LYPD6B: variants seen among roughly 807,000 people sequenced by gnomAD.
LYPD6B encodes LY6/PLAUR domain containing 6B.
In LYPD6B, 17 loss-of-function variants were observed where a neutral mutation model predicts 22.8. That is an observed-to-expected ratio of 0.75 (90% CI 0.51 to 1.12). LYPD6B has a LOEUF of 1.12. Among genes scored for constraint, LYPD6B ranks in the 50% most tolerant of loss-of-function variants. LYPD6B has a pLI of 0.00. For missense variants in LYPD6B, 221 were observed against 258.3 expected (o/e 0.86, Z 0.99); for synonymous variants, 106 against 91.6 (o/e 1.16, Z -0.90).
chr2:149,212,303 A>G (rs1365173125), intron 5 of LYPD6B, among the ~76,000 whole-genome samples: 1 of 137,478 alleles, frequency 7.3e-6, no homozygotes, highest in Non-Finnish European at 1.5e-5. Context: ...AATGGTGTGA[A>G]CCCGGGAGGC....
chr2:149,212,960 C>T (rs1198449031), intron 5 of LYPD6B, 32 bp from the exon 6 acceptor site: 1 of 1,604,056 alleles, frequency 6.2e-7, no homozygotes, highest in South Asian at 1.1e-5. Context: ...TACCTTGTTT[C>T]TTGGTTTTGT....
intron 1 of LYPD6B, among the ~76,000 whole-genome samples, chr2:149,116,741 G>A (rs1291404996): frequency 2.6e-5 from 4 of 152,202 alleles, no homozygotes; most frequent in Admixed American, 2.6e-4. Flanking sequence ...GCAAACATTT[G>A]TTGACAATAG....
chr2:149,058,660 C>T (rs757577770), intron 1 of LYPD6B, among the ~76,000 whole-genome samples: 5 of 152,128 alleles, frequency 3.3e-5, no homozygotes, highest in Admixed American at 1.3e-4. Context: ...GCTCTTGTCC[C>T]GCAGGCTAGA....
chr2:149,083,813 A>G (rs561590476), intron 1 of LYPD6B, among the ~76,000 whole-genome samples: 4 of 152,262 alleles, frequency 2.6e-5, no homozygotes, highest in Non-Finnish European at 5.9e-5. Context: ...GCAGTGGCTC[A>G]TGTCTGTAAT....
intron 3 of LYPD6B, among the ~76,000 whole-genome samples, chr2:149,185,504 G>A (rs1692035259): frequency 6.6e-6 from 1 of 152,138 alleles, no homozygotes. Context: ...AAGGTTTGGA[G>A]AAAAAGGAAA....
At chr2:149,187,746 A>C in intron 3 of LYPD6B, 1 of 420,808 alleles carries the variant, frequency 2.4e-6, no homozygotes, top group East Asian at 3.6e-5. Flanking sequence ...TGAAAAAAAG[A>C]AGTGCAAAAG....
intron 1 of LYPD6B, among the ~76,000 whole-genome samples, chr2:149,073,879 G>A (rs945514706): frequency 1.3e-5 from 2 of 151,868 alleles, no homozygotes; most frequent in East Asian, 1.9e-4. Context: ...CAGCAACCTC[G>A]GGTGAGGGCG....
intron 1 of LYPD6B, among the ~76,000 whole-genome samples, chr2:149,046,249 T>C (rs1683299434): frequency 6.6e-6 from 1 of 152,202 alleles, no homozygotes; most frequent in African/African-American, 2.4e-5. Context: ...TGTATATCTT[T>C]TTGTGTTCTT....
At chr2:149,165,171 A>G (rs1216301038) in intron 3 of LYPD6B, among the ~76,000 whole-genome samples, 6 of 152,146 alleles carry the variant, frequency 3.9e-5, no homozygotes, top group Admixed American at 2.6e-4. Flanking sequence ...TTGACATGAC[A>G]GAACTTTCTG....
intron 3 of LYPD6B, among the ~76,000 whole-genome samples, chr2:149,192,345 A>C (rs1331471974): frequency 6.6e-6 from 1 of 151,688 alleles, no homozygotes; most frequent in Non-Finnish European, 1.5e-5. Context: ...GGATACTTTG[A>C]TATTGGCAAA....
intron 2 of LYPD6B, among the ~76,000 whole-genome samples, chr2:149,150,726 TA>T (rs911036471): frequency 6.6e-6 from 1 of 152,054 alleles, no homozygotes; most frequent in Non-Finnish European, 1.5e-5. Flanking sequence ...ACTTTAGTCG[TA>T]AAAAATTAAA....
At chr2:149,148,095 C>T (rs1319161630) in intron 2 of LYPD6B, among the ~76,000 whole-genome samples, 1 of 152,146 alleles carries the variant, frequency 6.6e-6, no homozygotes. Context: ...GGAAATATCT[C>T]TATGCAATAT....
intron 1 of LYPD6B, among the ~76,000 whole-genome samples, chr2:149,066,328 C>A (rs1009680721): frequency 6.6e-6 from 1 of 150,640 alleles, no homozygotes; most frequent in Non-Finnish European, 1.5e-5. Flanking sequence ...CCTCCCCCGT[C>A]CCCCCACCCC....
intron 1 of LYPD6B, among the ~76,000 whole-genome samples, chr2:149,106,462 G>A (rs1209343934): frequency 2.0e-5 from 3 of 152,080 alleles, no homozygotes; most frequent in Non-Finnish European, 2.9e-5. Flanking sequence ...AATAGATGTA[G>A]GGCTATTCAA....
chr2:149,175,129 C>T (rs1174865461), intron 3 of LYPD6B, among the ~76,000 whole-genome samples: 2 of 143,782 alleles, frequency 1.4e-5, no homozygotes, highest in Non-Finnish European at 3.0e-5. Context: ...CTGATAAATG[C>T]ATCATTAAGG....
intron 2 of LYPD6B, among the ~76,000 whole-genome samples, chr2:149,160,020 G>A: frequency 6.9e-6 from 1 of 145,096 alleles, no homozygotes; most frequent in East Asian, 1.9e-4. Context: ...CAGGTGTGGT[G>A]GTACATGCCT....
intron 1 of LYPD6B, among the ~76,000 whole-genome samples, chr2:149,120,349 A>ATATG: frequency 1.0e-5 from 1 of 99,700 alleles, no homozygotes; most frequent in East Asian, 3.5e-4. Context: ...GTATATATAT[A>ATATG]TGTGTGTGTG....
intron 3 of LYPD6B, among the ~76,000 whole-genome samples, chr2:149,177,795 T>C (rs1297129855): frequency 6.6e-6 from 1 of 151,706 alleles, no homozygotes; most frequent in African/African-American, 2.4e-5. Flanking sequence ...AAACTGCATC[T>C]TCTCCTTACA....
chr2:149,170,170 G>A (rs532174411), intron 3 of LYPD6B, among the ~76,000 whole-genome samples: 15 of 152,276 alleles, frequency 9.9e-5, no homozygotes, highest in Admixed American at 5.2e-4. Flanking sequence ...GATCACAAGG[G>A]CAAAGATACA....
Sources: gnomAD v4.1 joint callset for allele counts (sites outside exome capture counted in the v4.1 genomes callset) on GRCh38, gnomAD v4.1.1 for gene constraint, MANE v1.5 for transcripts, NCBI Gene and HGNC (gene_info 2026-07-23, HGNC 2026-07-21) for gene names.